PVT1: variants seen among roughly 807,000 people sequenced by gnomAD.
The protein encoded by PVT1 is CXCR4/PVT1 fusion.
chr8:128,066,835 G>A (rs756816306), intron 4 of PVT1, among the ~76,000 whole-genome samples: 11 of 152,102 alleles, frequency 7.2e-5, no homozygotes, highest in South Asian at 2.1e-4. Context: ...GTCTTCACTC[G>A]TCTCTTTCCT....
At chr8:127,998,943 C>T (rs1211491570) in intron 4 of PVT1, among the ~76,000 whole-genome samples, 8 of 151,704 alleles carry the variant, frequency 5.3e-5, no homozygotes, top group African/African-American at 1.9e-4. Context: ...TATTTCCAGC[C>T]CCAGTTATAG....
intron 3 of PVT1, among the ~76,000 whole-genome samples, chr8:127,915,036 G>A (rs905007121): frequency 6.6e-6 from 1 of 151,896 alleles, no homozygotes; most frequent in South Asian, 2.1e-4. Flanking sequence ...TGTTGGCCAG[G>A]CTGGTCTCAA....
At chr8:127,799,923 T>C (rs1016774312) in intron 2 of PVT1, among the ~76,000 whole-genome samples, 1 of 152,234 alleles carries the variant, frequency 6.6e-6, no homozygotes, top group Non-Finnish European at 1.5e-5. Context: ...CCCTGGCTTA[T>C]GTAAGTTAGA....
At chr8:127,937,829 A>G (rs1446438425) in intron 3 of PVT1, among the ~76,000 whole-genome samples, 2 of 152,180 alleles carry the variant, frequency 1.3e-5, no homozygotes, top group African/African-American at 4.8e-5. Flanking sequence ...CCCATGGTTT[A>G]CAGAAGTCAA....
intron 4 of PVT1, among the ~76,000 whole-genome samples, chr8:128,043,154 T>G (rs1813565913): frequency 6.6e-6 from 1 of 152,166 alleles, no homozygotes; most frequent in Admixed American, 6.5e-5. Context: ...AGCATCCACT[T>G]AATGTTGTAT....
intron 2 of PVT1, among the ~76,000 whole-genome samples, chr8:127,867,548 C>G (rs975701347): frequency 1.3e-5 from 2 of 152,230 alleles, no homozygotes; most frequent in African/African-American, 4.8e-5. Context: ...TTACTCCCTG[C>G]TTTTCGATCC....
intron 3 of PVT1, among the ~76,000 whole-genome samples, chr8:127,910,914 A>T (rs7838230): frequency 0.13 from 18,247 of 145,426 alleles, 3,396 homozygotes; most frequent in African/African-American, 0.41. Flanking sequence ...TGTGTGTGTG[A>T]GAGAGAGAGA....
At chr8:127,980,648 C>G (rs1300423403) in intron 3 of PVT1, among the ~76,000 whole-genome samples, 1 of 152,180 alleles carries the variant, frequency 6.6e-6, no homozygotes, top group African/African-American at 2.4e-5. Flanking sequence ...TCCCAGGAGC[C>G]TGGAACTTCC....
chr8:128,087,917 C>T (rs1465553780), intron 5 of PVT1, among the ~76,000 whole-genome samples: 1 of 151,916 alleles, frequency 6.6e-6, no homozygotes, highest in African/African-American at 2.4e-5. Context: ...TGCCACCACA[C>T]CCGGCTATTT....
At chr8:128,093,419 T>C (rs927717425) in intron 5 of PVT1, among the ~76,000 whole-genome samples, 2 of 152,012 alleles carry the variant, frequency 1.3e-5, no homozygotes, top group East Asian at 3.9e-4. Flanking sequence ...TAGCCAGGCT[T>C]GGTGGCAGCT....
chr8:127,968,934 C>G (rs1816733571), intron 3 of PVT1, among the ~76,000 whole-genome samples: 1 of 152,130 alleles, frequency 6.6e-6, no homozygotes, highest in African/African-American at 2.4e-5. Flanking sequence ...GGAAGGGTTT[C>G]CCCTCAGAGG....
At chr8:128,089,025 A>G (rs1363561338) in intron 5 of PVT1, among the ~76,000 whole-genome samples, 2 of 152,192 alleles carry the variant, frequency 1.3e-5, no homozygotes, top group African/African-American at 4.8e-5. Context: ...AAGAACTCTA[A>G]ACAGATCACT....
chr8:127,870,112 G>A (rs1170691265), intron 2 of PVT1, among the ~76,000 whole-genome samples: 1 of 152,146 alleles, frequency 6.6e-6, no homozygotes, highest in African/African-American at 2.4e-5. Flanking sequence ...TGGACATTGG[G>A]TCTTTTTAGA....
At chr8:128,089,611 T>G (rs1814323471) in intron 5 of PVT1, among the ~76,000 whole-genome samples, 1 of 152,228 alleles carries the variant, frequency 6.6e-6, no homozygotes, top group Non-Finnish European at 1.5e-5. Flanking sequence ...CTTCTGGAAT[T>G]TGCAGGCCAT....
chr8:127,966,610 A>C (rs755521), intron 3 of PVT1, among the ~76,000 whole-genome samples: 24,295 of 152,238 alleles, frequency 0.16, 2,184 homozygotes, highest in South Asian at 0.29. Context: ...GCCCTTAGCC[A>C]CGTGGGGCTG....
intron 2 of PVT1, among the ~76,000 whole-genome samples, chr8:127,832,594 C>T (rs1021845566): frequency 3.9e-5 from 6 of 152,206 alleles, no homozygotes; most frequent in Non-Finnish European, 2.9e-5. Context: ...TGTGGTGGCT[C>T]ACGCCTGTAA....
chr8:127,915,612 C>CA (rs61238663), intron 3 of PVT1, among the ~76,000 whole-genome samples: 24,706 of 64,110 alleles, frequency 0.39, 4,263 homozygotes, highest in Admixed American at 0.46. Context: ...AACTCCATCT[C>CA]AAAAAAAAAA....
chr8:127,987,325 G>A (rs1816981206), intron 3 of PVT1, among the ~76,000 whole-genome samples: 3 of 152,176 alleles, frequency 2.0e-5, no homozygotes, highest in African/African-American at 4.8e-5. Flanking sequence ...CACTGGAAAG[G>A]GAGGGTTACA....
intron 3 of PVT1, among the ~76,000 whole-genome samples, chr8:127,896,521 T>C (rs1364104169): frequency 6.6e-6 from 1 of 152,204 alleles, no homozygotes; most frequent in Admixed American, 6.5e-5. Context: ...ACTAAATCTG[T>C]TTTGAAGCTC....
Sources: gnomAD v4.1 joint callset for allele counts (sites outside exome capture counted in the v4.1 genomes callset) on GRCh38, gnomAD v4.1.1 for gene constraint, MANE v1.5 for transcripts, NCBI Gene and HGNC (gene_info 2026-07-23, HGNC 2026-07-21) for gene names.